Variants in SAMTOR observed in about 807,000 individuals in gnomAD.
The protein encoded by SAMTOR is S-adenosylmethionine sensor upstream of mTORC1, also known as UPF0532 protein C7orf60.
chr7:112,884,281 G>T, the SAMTOR span, among the ~76,000 whole-genome samples: 1 of 152,050 alleles, frequency 6.6e-6, no homozygotes, highest in Admixed American at 6.6e-5. Context: ...CCTCCCAAAT[G>T]TCATGTCCTC....
chr7:112,857,753 G>A, the SAMTOR span, among the ~76,000 whole-genome samples: 2 of 152,124 alleles, frequency 1.3e-5, no homozygotes, highest in African/African-American at 4.8e-5. Flanking sequence ...GTATGCAATG[G>A]CCCAAGTTGC....
the SAMTOR span, among the ~76,000 whole-genome samples, chr7:112,887,783 T>C: frequency 3.3e-5 from 5 of 152,122 alleles, no homozygotes; most frequent in South Asian, 2.1e-4. Flanking sequence ...GAATCAGTAA[T>C]GGTGGGCTCT....
At chr7:112,849,626 C>A in the SAMTOR span, among the ~76,000 whole-genome samples, 1 of 152,104 alleles carries the variant, frequency 6.6e-6, no homozygotes, top group Non-Finnish European at 1.5e-5. Context: ...TAGGACTTCC[C>A]GTACTATGTT....
At chr7:112,879,259 T>C in the SAMTOR span, among the ~76,000 whole-genome samples, 1 of 150,560 alleles carries the variant, frequency 6.6e-6, no homozygotes, top group Non-Finnish European at 1.5e-5. Context: ...ATAATCAGCA[T>C]ATATGTGGAA....
chr7:112,847,167 T>TA, the SAMTOR span, among the ~76,000 whole-genome samples: 6 of 152,196 alleles, frequency 3.9e-5, no homozygotes, highest in African/African-American at 1.4e-4. Context: ...TAATTTTACT[T>TA]AGGGGAAAAA....
chr7:112,921,882 C>T, the SAMTOR span, among the ~76,000 whole-genome samples: 2 of 151,108 alleles, frequency 1.3e-5, no homozygotes, highest in African/African-American at 2.4e-5. Context: ...ATCAAAACCA[C>T]AATGAGATAC....
the SAMTOR span, among the ~76,000 whole-genome samples, chr7:112,920,883 T>G: frequency 2.0e-5 from 3 of 152,120 alleles, no homozygotes; most frequent in East Asian, 5.8e-4. Context: ...GGAATCCAAC[T>G]TACAAGGGAC....
At chr7:112,896,440 A>G in the SAMTOR span, among the ~76,000 whole-genome samples, 2 of 152,188 alleles carry the variant, frequency 1.3e-5, no homozygotes, top group Non-Finnish European at 2.9e-5. Context: ...AGCAAGTACA[A>G]CTATGGTCCA....
At chr7:112,919,775 C>T in the SAMTOR span, among the ~76,000 whole-genome samples, 61 of 151,908 alleles carry the variant, frequency 4.0e-4, no homozygotes, top group East Asian at 0.011. Context: ...ATATCACCAC[C>T]GATCCCACAG....
the SAMTOR span, among the ~76,000 whole-genome samples, chr7:112,862,317 A>G: frequency 6.6e-6 from 1 of 152,186 alleles, no homozygotes; most frequent in Non-Finnish European, 1.5e-5. Flanking sequence ...AAAAGAAAAC[A>G]GAGGATTATT....
the SAMTOR span, among the ~76,000 whole-genome samples, chr7:112,834,111 T>C: frequency 6.6e-6 from 1 of 152,250 alleles, no homozygotes; most frequent in Admixed American, 6.5e-5. Flanking sequence ...TGTGCTTCTA[T>C]AATTCACTTT....
At chr7:112,827,923 T>C in the SAMTOR span, among the ~76,000 whole-genome samples, 6 of 152,184 alleles carry the variant, frequency 3.9e-5, no homozygotes, top group East Asian at 9.7e-4. Context: ...CTGTGTTGCA[T>C]AGGCTGGTCT....
At chr7:112,855,481 T>TTG in the SAMTOR span, among the ~76,000 whole-genome samples, 1 of 152,190 alleles carries the variant, frequency 6.6e-6, no homozygotes, top group Non-Finnish European at 1.5e-5. Context: ...GTATAGAATC[T>TTG]ATTTCAAGCC....
At chr7:112,877,530 G>A in the SAMTOR span, among the ~76,000 whole-genome samples, 8 of 152,132 alleles carry the variant, frequency 5.3e-5, no homozygotes, top group South Asian at 2.1e-4. Flanking sequence ...CATCATATAC[G>A]AACATAAATA....
the SAMTOR span, among the ~76,000 whole-genome samples, chr7:112,900,988 T>G: frequency 6.6e-6 from 1 of 152,178 alleles, no homozygotes; most frequent in Non-Finnish European, 1.5e-5. Flanking sequence ...GGTGATGACT[T>G]TTTAGACATG....
chr7:112,887,194 AT>A, the SAMTOR span, among the ~76,000 whole-genome samples: 9 of 151,624 alleles, frequency 5.9e-5, no homozygotes, highest in East Asian at 3.9e-4. Flanking sequence ...TAAATAAAAA[AT>A]ATAAGATCAT....
the SAMTOR span, among the ~76,000 whole-genome samples, chr7:112,824,884 G>C: frequency 3.3e-5 from 5 of 152,086 alleles, no homozygotes; most frequent in Non-Finnish European, 4.4e-5. Context: ...TTATAATTTT[G>C]AAATCAGGTA....
chr7:112,863,549 G>C, the SAMTOR span, among the ~76,000 whole-genome samples: 1 of 151,016 alleles, frequency 6.6e-6, no homozygotes, highest in Non-Finnish European at 1.5e-5. Flanking sequence ...CAAAGGTCTA[G>C]TATCCAGCAT....
At chr7:112,868,646 A>C in the SAMTOR span, among the ~76,000 whole-genome samples, 3 of 152,200 alleles carry the variant, frequency 2.0e-5, no homozygotes, top group Non-Finnish European at 2.9e-5. Flanking sequence ...AGGCTCACAC[A>C]AAGTCAGTCA....
Sources: gnomAD v4.1 joint callset for allele counts (sites outside exome capture counted in the v4.1 genomes callset) on GRCh38, gnomAD v4.1.1 for gene constraint, MANE v1.5 for transcripts, NCBI Gene and HGNC (gene_info 2026-07-23, HGNC 2026-07-21) for gene names.